FMNL2: variants seen among roughly 807,000 people sequenced by gnomAD.
FMNL2 encodes the protein formin like 2.
Under a neutral mutation model 130.2 loss-of-function variants are expected in FMNL2, and 51 were observed. The ratio of observed to expected loss-of-function variants is 0.39; its 90% confidence interval spans 0.31 to 0.49. The LOEUF is 0.49. Ranked by LOEUF, FMNL2 falls within the 20% of genes least tolerant of loss-of-function variation. The pLI, the probability that FMNL2 is intolerant of heterozygous loss-of-function variation, is 0.85. For missense variants in FMNL2, 977 were observed against 1,316.2 expected, an observed-to-expected ratio of 0.74 and a Z score of 3.99; for synonymous variants, 465 against 467.1, an observed-to-expected ratio of 1.00 and a Z score of 0.06.
intron 23 of FMNL2, among the ~76,000 whole-genome samples, chr2:152,638,369 C>T (rs1054645443): frequency 6.6e-6 from 1 of 152,156 alleles, no homozygotes; most frequent in Non-Finnish European, 1.5e-5. Context: ...ATCCTCCAGG[C>T]GTATCTTCAT....
intron 9 of FMNL2, among the ~76,000 whole-genome samples, chr2:152,599,403 A>ATTT (rs1407347624): frequency 2.8e-4 from 16 of 57,422 alleles, no homozygotes; most frequent in South Asian, 5.8e-4. Context: ...ATTGAAGGTC[A>ATTT]TCTTTTTTTT....
Position 152,623,767 on chromosome 2 carries a change from G to C in FMNL2, c.1838-1671G>C, listed in dbSNP as rs115346749. Among the ~76,000 whole-genome samples the C allele has an allele frequency of 1.9e-3, 284 of 152,120 alleles. 2 individuals carry two copies. Among genetic ancestry groups the C allele is most frequent in the African/African-American group, 6.3e-3 (260 of 41,500 alleles). On this transcript the variant is annotated intron_variant, in intron 15 of 25. Coordinates refer to ENST00000288670, the MANE Select transcript of FMNL2 (RefSeq NM_052905.4). Reference sequence around the variant, plus strand: ...CTGAATGTGTATGGCTAAATGGTTTGGGAAGACTTCTTTATGATATATAAT... The same window carrying C: ...CTGAATGTGTATGGCTAAATGGTTTCGGAAGACTTCTTTATGATATATAAT...
intron 21 of FMNL2, among the ~76,000 whole-genome samples, chr2:152,635,101 C>T (rs1023750494): frequency 2.0e-5 from 3 of 152,056 alleles, no homozygotes; most frequent in East Asian, 1.9e-4. Flanking sequence ...TTGAAAGCAA[C>T]GATTTTTTAA....
rs1158391663 is a variant in FMNL2, at chr2:152,590,980, CTTTTTTTTTTTTTTTTTTTTTTTTTTT to C, written c.876+9949_876+9975del. Among the ~76,000 whole-genome samples, 26 of 65,790 alleles carry C rather than the reference CTTTTTTTTTTTTTTTTTTTTTTTTTTT, an allele frequency of 4.0e-4. 1 individual carries two copies. In the East Asian group the frequency reaches 5.6e-3, roughly 14 times the overall value. The allele number at this position is 65,790 out of a possible 152,430, so 43.2% of individuals were successfully genotyped here. On this transcript the variant is annotated intron_variant, in intron 9 of 25. Transcript: ENST00000288670. ...CAGAGTTAGATTTTCCCTCTGATAA[CTTTTTTTTTTTTTTTTTTTTTTTTTTT>C]TTTTTTTTTTTTTTTTTGAGACAGC...
chr2:152,425,076 A>C (rs1687131734), intron 1 of FMNL2, among the ~76,000 whole-genome samples: 1 of 152,174 alleles, frequency 6.6e-6, no homozygotes, highest in Non-Finnish European at 1.5e-5. Context: ...TTCAAAATCA[A>C]CCTGCTTATT....
intron 6 of FMNL2, among the ~76,000 whole-genome samples, chr2:152,565,787 G>A (rs1452444433): frequency 2.6e-5 from 4 of 152,094 alleles, no homozygotes; most frequent in Non-Finnish European, 2.9e-5. Flanking sequence ...TGATGATGAC[G>A]ATGATTTTTT....
At chr2:152,347,379 T>G (rs1209585679) in intron 1 of FMNL2, among the ~76,000 whole-genome samples, 1 of 152,242 alleles carries the variant, frequency 6.6e-6, no homozygotes, top group Non-Finnish European at 1.5e-5. Context: ...GCCTGAGCAT[T>G]AGGAAATATT....
At chr2:152,574,421 C>A (rs1442005283) in intron 6 of FMNL2, among the ~76,000 whole-genome samples, 34 of 136,730 alleles carry the variant, frequency 2.5e-4, no homozygotes, top group South Asian at 2.3e-4. Context: ...GGTGACAGAG[C>A]GAGACTCTGT....
intron 9 of FMNL2, among the ~76,000 whole-genome samples, chr2:152,596,070 C>A (rs1697756424): frequency 6.7e-6 from 1 of 150,302 alleles, no homozygotes; most frequent in Admixed American, 6.6e-5. Flanking sequence ...TTAAGCGATT[C>A]TCCCGCCTCT....
intron 6 of FMNL2, among the ~76,000 whole-genome samples, chr2:152,571,370 G>A (rs535956678): frequency 6.6e-6 from 1 of 152,148 alleles, no homozygotes; most frequent in Non-Finnish European, 1.5e-5. Flanking sequence ...AAGCTCATGT[G>A]TGCCAATTAT....
chr2:152,374,295 G>A (rs28482802), intron 1 of FMNL2, among the ~76,000 whole-genome samples: 114 of 152,244 alleles, frequency 7.5e-4, no homozygotes, highest in South Asian at 2.9e-3. Flanking sequence ...CTAAAAGGGA[G>A]ATATGAACTA....
intron 1 of FMNL2, among the ~76,000 whole-genome samples, chr2:152,444,559 G>A (rs1056425746): frequency 6.6e-6 from 1 of 152,132 alleles, no homozygotes; most frequent in Non-Finnish European, 1.5e-5. Flanking sequence ...AGACTCTAAC[G>A]AGCAAGTAAA....
intron 1 of FMNL2, among the ~76,000 whole-genome samples, chr2:152,364,539 A>G (rs1683402176): frequency 6.6e-6 from 1 of 152,176 alleles, no homozygotes; most frequent in Non-Finnish European, 1.5e-5. Flanking sequence ...CTAGTGCAAC[A>G]AGAGCAAATT....
intron 1 of FMNL2, among the ~76,000 whole-genome samples, chr2:152,358,160 C>T (rs907696222): frequency 2.0e-5 from 3 of 150,186 alleles, no homozygotes; most frequent in East Asian, 1.9e-4. Context: ...GAACATCAGA[C>T]TCCAAGTTCT....
chr2:152,613,231 T>C (rs1698778524), intron 11 of FMNL2, among the ~76,000 whole-genome samples: 1 of 152,254 alleles, frequency 6.6e-6, no homozygotes, highest in Non-Finnish European at 1.5e-5. Flanking sequence ...TCAAGGTTTG[T>C]CTATCCCTTT....
At chr2:152,362,864 A>G (rs1209751149) in intron 1 of FMNL2, among the ~76,000 whole-genome samples, 1 of 152,222 alleles carries the variant, frequency 6.6e-6, no homozygotes, top group Admixed American at 6.5e-5. Flanking sequence ...ACAGAAAGGA[A>G]TGAAGTGCTG....
At chr2:152,571,016 G>T (rs191215472) in intron 6 of FMNL2, among the ~76,000 whole-genome samples, 2 of 152,272 alleles carry the variant, frequency 1.3e-5, no homozygotes, top group Admixed American at 1.3e-4. Flanking sequence ...GAAGTTTTGT[G>T]GCATTTTAAC....
chr2:152,546,678 A>C (rs1024250997), intron 3 of FMNL2, among the ~76,000 whole-genome samples: 12 of 151,990 alleles, frequency 7.9e-5, no homozygotes, highest in Admixed American at 6.6e-4. Flanking sequence ...TCTGACAACC[A>C]CCTGTGCAGG....
intron 25 of FMNL2, chr2:152,645,443 A>G: frequency 7.8e-7 from 1 of 1,289,282 alleles, no homozygotes; most frequent in Non-Finnish European, 1.0e-6. Flanking sequence ...GCCTTAAAGA[A>G]GAATAATATC....
Sources: gnomAD v4.1 joint callset for allele counts (sites outside exome capture counted in the v4.1 genomes callset) on GRCh38, gnomAD v4.1.1 for gene constraint, MANE v1.5 for transcripts, NCBI Gene and HGNC (gene_info 2026-07-23, HGNC 2026-07-21) for gene names.